GNA12: variants seen among roughly 807,000 people sequenced by gnomAD.
GNA12 encodes the protein G protein subunit alpha 12, also known as guanine nucleotide-binding protein subunit alpha-12.
GNA12 carries 9 observed loss-of-function variants against 26.0 expected under a neutral mutation model. That is an observed-to-expected ratio of 0.35 (90% CI 0.21 to 0.60). The LOEUF is 0.60. Among genes scored for constraint, GNA12 ranks in the 20% least tolerant of loss-of-function variants. The probability of loss-of-function intolerance (pLI) is 0.78; values close to 1 mark genes in which losing one functional copy is unlikely to be tolerated. For synonymous variants in GNA12, 264 were observed against 219.6 expected, an observed-to-expected ratio of 1.20 and a Z score of -1.79; for missense variants, 405 against 525.8, an observed-to-expected ratio of 0.77 and a Z score of 2.25.
In GNA12 at chr7:2,731,199, C is replaced by T; in HGVS notation, c.1128G>A (p.Lys376=). The change falls in exon 4 of 4, where the codon AAG becomes AAA. Residue 376 remains lysine (K), a synonymous_variant. Coordinates refer to ENST00000275364, the MANE Select transcript of GNA12 (RefSeq NM_007353.3). This position sits in a 1 kb window ranked among gnomAD's most constrained non-coding sequence, Gnocchi z 6.0. ...VKDTILQENL[K]DIMLQ ...TCCTCGCTCACTGCAGCATGATGTC[C>T]TTCAGGTTCTCCTGCAGGATGGTGT... The T allele has an allele frequency of 6.2e-7, 1 of 1,611,724 alleles. No individual in the cohort carries two copies. The highest frequency in any genetic ancestry group is 1.1e-5 in the South Asian group (1 of 90,948).
At chr7:2,817,325 C>T (rs1393834911) in intron 1 of GNA12, among the ~76,000 whole-genome samples, 12 of 152,182 alleles carry the variant, frequency 7.9e-5, no homozygotes, top group South Asian at 2.1e-4. Flanking sequence ...AGGCTGGTCT[C>T]GAACTCCTGA....
At chr7:2,837,673 A>G (rs1306777172) in intron 1 of GNA12, among the ~76,000 whole-genome samples, 1 of 152,230 alleles carries the variant, frequency 6.6e-6, no homozygotes, top group Admixed American at 6.5e-5. Context: ...GGTATCCTTC[A>G]GGAATGAAGA....
chr7:2,834,463 C>T (rs576290707), intron 1 of GNA12, among the ~76,000 whole-genome samples: 2 of 152,298 alleles, frequency 1.3e-5, no homozygotes, highest in African/African-American at 2.4e-5. Flanking sequence ...CTTGAGAGTG[C>T]GAGTGGAGAG....
chr7:2,801,608 G>T (rs1366658846), intron 1 of GNA12, among the ~76,000 whole-genome samples: 1 of 152,102 alleles, frequency 6.6e-6, no homozygotes, highest in Non-Finnish European at 1.5e-5. Flanking sequence ...CACAAGAAAG[G>T]TGGCTAAACT....
At chr7:2,843,162 CTCT>C (rs900172975) in intron 1 of GNA12, among the ~76,000 whole-genome samples, 3 of 152,144 alleles carry the variant, frequency 2.0e-5, no homozygotes, top group South Asian at 2.1e-4. Context: ...GTCTCCACTG[CTCT>C]TCTTCTAAGC....
At chr7:2,768,253 A>G (rs2115416584) in intron 2 of GNA12, among the ~76,000 whole-genome samples, 1 of 152,338 alleles carries the variant, frequency 6.6e-6, no homozygotes, top group Middle Eastern at 3.4e-3. Flanking sequence ...CAAATAAGTG[A>G]TCGGAAATGG....
chr7:2,777,443 T>C (rs80301431), intron 2 of GNA12, among the ~76,000 whole-genome samples: 3,168 of 152,352 alleles, frequency 0.021, 72 homozygotes, highest in Middle Eastern at 0.075. Context: ...AACACTGTTA[T>C]GAATGGAATG....
At chr7:2,841,330 A>G (rs568674829) in intron 1 of GNA12, among the ~76,000 whole-genome samples, 17 of 152,344 alleles carry the variant, frequency 1.1e-4, no homozygotes, top group Middle Eastern at 3.4e-3. Flanking sequence ...CTATGTTTCC[A>G]AATACTTTCT....
At chr7:2,733,543 GGAAT>G in intron 2 of GNA12, 42 bp from the exon 3 acceptor site, 1 of 1,521,728 alleles carries the variant, frequency 6.6e-7, no homozygotes, top group Non-Finnish European at 9.1e-7. Context: ...TCTGGACTGA[GGAAT>G]CCTGATGTGG....
Position 2,763,017 on chromosome 7 carries a change from G to T in GNA12, c.526-29516C>A, listed in dbSNP as rs1043303354. ...TACTGTGGTCGCCAACAGCCCCGCC[G>T]GCCACTGGCCCAGGACTCAGCGTGC... On this transcript the variant is annotated intron_variant, in intron 2 of 3. Coordinates refer to ENST00000275364, the MANE Select transcript of GNA12 (RefSeq NM_007353.3). 12 of 1,278,770 alleles carry T rather than the reference G, an allele frequency of 9.4e-6. No homozygotes were observed. The East Asian group carries it at 3.7e-4, about 40-fold the overall frequency. The allele number at this position is 1,278,770 out of a possible 1,614,324, so 79.2% of individuals were successfully genotyped here.
chr7:2,793,881 CAAAAAAAAAAA>C (rs71026557), intron 2 of GNA12, among the ~76,000 whole-genome samples: 1 of 95,798 alleles, frequency 1.0e-5, no homozygotes, highest in Non-Finnish European at 2.0e-5. Context: ...GACTCCATCT[CAAAAAAAAAAA>C]AAAAAAGGAA....
chr7:2,734,444 G>C (rs1790055612), intron 2 of GNA12, among the ~76,000 whole-genome samples: 3 of 152,236 alleles, frequency 2.0e-5, no homozygotes, highest in Admixed American at 2.0e-4. Flanking sequence ...GTCACTTTCT[G>C]TGTTCTCATG....
chr7:2,733,608 G>A (rs1038736930), intron 2 of GNA12, 107 bp from the exon 3 acceptor site: 8 of 795,876 alleles, frequency 1.0e-5, no homozygotes, highest in Non-Finnish European at 1.5e-5. Context: ...GCCTCCGTGT[G>A]AATGGGAAAG....
At chr7:2,753,074 T>C (rs1350536891) in intron 2 of GNA12, among the ~76,000 whole-genome samples, 1 of 152,200 alleles carries the variant, frequency 6.6e-6, no homozygotes, top group African/African-American at 2.4e-5. Context: ...CTCTAGAATG[T>C]ATAGTCACTG....
intron 2 of GNA12, among the ~76,000 whole-genome samples, chr7:2,792,075 T>C (rs1419357660): frequency 6.6e-6 from 1 of 152,218 alleles, no homozygotes; most frequent in Non-Finnish European, 1.5e-5. Context: ...GGACGACTAC[T>C]GACCCACCTG....
At chr7:2,839,527 G>A (rs1275076746) in intron 1 of GNA12, among the ~76,000 whole-genome samples, 2 of 152,110 alleles carry the variant, frequency 1.3e-5, no homozygotes, top group Non-Finnish European at 2.9e-5. Context: ...GGGATTACAG[G>A]CACCTGCTAC....
At chr7:2,833,556 A>T (rs529053339) in intron 1 of GNA12, among the ~76,000 whole-genome samples, 1 of 152,286 alleles carries the variant, frequency 6.6e-6, no homozygotes, top group South Asian at 2.1e-4. Flanking sequence ...CCAATCACTC[A>T]TGTGTTCTGA....
At chr7:2,770,092 G>A (rs1451733865) in intron 2 of GNA12, among the ~76,000 whole-genome samples, 1 of 152,106 alleles carries the variant, frequency 6.6e-6, no homozygotes, top group Non-Finnish European at 1.5e-5. Flanking sequence ...GTACTGTGAG[G>A]AAAATAAAAT....
intron 1 of GNA12, chr7:2,835,685 AG>A: frequency 1.9e-6 from 2 of 1,065,824 alleles, no homozygotes; most frequent in Non-Finnish European, 2.9e-6. Context: ...GAGCAACAAA[AG>A]ATAAACAAAT....
Sources: allele counts gnomAD v4.1 joint callset (sites outside exome capture counted in the v4.1 genomes callset), GRCh38; gene constraint gnomAD v4.1.1; non-coding constraint Gnocchi (gnomAD v3.1); transcripts MANE v1.5; gene names NCBI Gene and HGNC (gene_info 2026-07-23, HGNC 2026-07-21).